The following CCNH variants were observed in gnomAD, a reference collection of about 807,000 sequenced individuals.
The protein encoded by CCNH is cyclin H, also known as cyclin-H.
Under a neutral mutation model 41.9 loss-of-function variants are expected in CCNH, and 31 were observed. The observed-to-expected ratio is 0.74, with a 90% CI of 0.56 to 1.00. CCNH has a LOEUF of 1.00. Ranked by LOEUF, CCNH falls within the 50% of genes least tolerant of loss-of-function variation. The pLI is 0.00. For missense variants in CCNH, 362 were observed against 388.4 expected, an observed-to-expected ratio of 0.93 and a Z score of 0.57; for synonymous variants, 138 against 136.1, an observed-to-expected ratio of 1.01 and a Z score of -0.10.
chr5:87,390,030 T>C (rs912277781), downstream of CCNH, among the ~76,000 whole-genome samples: 2 of 152,186 alleles, frequency 1.3e-5, no homozygotes, highest in African/African-American at 4.8e-5. Context: ...GGTATTCCGA[T>C]GCAAGTGAAC....
chr5:87,362,189 A>G (rs1760156761), intron 9 of CCNH, among the ~76,000 whole-genome samples: 1 of 152,244 alleles, frequency 6.6e-6, no homozygotes, highest in South Asian at 2.1e-4. Context: ...TTATGCTTAC[A>G]TTGGTTCCTA....
downstream of CCNH, among the ~76,000 whole-genome samples, chr5:87,316,943 C>T (rs891572875): frequency 1.3e-5 from 2 of 151,250 alleles, no homozygotes; most frequent in African/African-American, 4.9e-5. Context: ...AGTGCAGTGG[C>T]GAAATCTCGG....
At chr5:87,386,567 A>ACTC (rs774119439), downstream of CCNH, among the ~76,000 whole-genome samples, 1 of 151,570 alleles carries the variant, frequency 6.6e-6, no homozygotes. Context: ...AAATACCCAT[A>ACTC]CTCCTCAGTA....
chr5:87,397,765 G>C (rs1360334489), intron 7 of CCNH, among the ~76,000 whole-genome samples: 1 of 152,194 alleles, frequency 6.6e-6, no homozygotes, highest in South Asian at 2.1e-4. Context: ...GAAAGGGTAG[G>C]ATTAGTAGTT....
Position 87,338,526 on chromosome 5 carries a change from TA to T in CCNH, c.*91-19630del, listed in dbSNP as rs1195749051. Among the ~76,000 whole-genome samples the T allele has an allele frequency of 8.4e-4, 85 of 100,892 alleles. 2 individuals are homozygous for T. Among genetic ancestry groups the T allele is most frequent in the African/African-American group, 2.8e-3 (76 of 27,498 alleles). 66.2% of individuals were successfully genotyped at this position (100,892 alleles called of 152,430 possible). A position where few individuals can be genotyped will look rare whatever the true frequency, so the allele number is the denominator to read the frequency against. On this transcript the variant is annotated intron_variant and NMD_transcript_variant, in intron 9 of 9. Transcript: ENST00000645953. ...TTATATATATATATATATATATATA[TA>T]TATATAAAATTTTTTTTTTTTTTAA...
chr5:87,356,950 C>T (rs77370944), intron 9 of CCNH, among the ~76,000 whole-genome samples: 1 of 152,128 alleles, frequency 6.6e-6, no homozygotes, highest in African/African-American at 2.4e-5. Flanking sequence ...TGTTTTTTCC[C>T]AGTGCTTAGA....
In CCNH at chr5:87,331,439, C is replaced by G. The variant is rs757065933; in HGVS notation, c.*91-12542G>C. 1 of 1,613,814 alleles carries G rather than the reference C, an allele frequency of 6.2e-7. No individual in the cohort carries two copies. Among genetic ancestry groups the G allele is most frequent in the Non-Finnish European group, 8.5e-7 (1 of 1,179,812 alleles). ...CAGTTATCTTATAAGAGAGAGTGAT[C>G]GGAGGCCAGGGTCCTTTGTACTTTC... On this transcript the variant is annotated intron_variant and NMD_transcript_variant, in intron 9 of 9. Coordinates refer to the CCNH transcript ENST00000645953.
chr5:87,337,934 A>C, intron 9 of CCNH: 1 of 1,544,350 alleles, frequency 6.5e-7, no homozygotes, highest in Non-Finnish European at 8.8e-7. Context: ...TCTGTATTTA[A>C]AATTTTTAAA....
downstream of CCNH, among the ~76,000 whole-genome samples, chr5:87,317,337 C>T (rs893048698): frequency 7.2e-5 from 11 of 152,150 alleles, no homozygotes; most frequent in Non-Finnish European, 1.3e-4. Context: ...TCTTCTTCCT[C>T]ATTAGATGGC....
At chr5:87,356,689 TA>T (rs1164451362) in intron 9 of CCNH, among the ~76,000 whole-genome samples, 2 of 152,178 alleles carry the variant, frequency 1.3e-5, no homozygotes, top group African/African-American at 2.4e-5. Flanking sequence ...TTTTTAGTAA[TA>T]AAATATTTTT....
At chr5:87,332,472 A>AT (rs768103774) in intron 9 of CCNH, 8 of 1,574,876 alleles carry the variant, frequency 5.1e-6, no homozygotes, top group South Asian at 1.1e-5. Flanking sequence ...GGCTGTAAAG[A>AT]TTTTTTTATA....
chr5:87,312,297 A>C, the CCNH span, among the ~76,000 whole-genome samples: 16 of 152,352 alleles, frequency 1.1e-4, no homozygotes, highest in East Asian at 2.7e-3. Context: ...CAGATAAGGA[A>C]ATCTGTCTTC....
chr5:87,343,623 A>G (rs1044716657), intron 9 of CCNH, among the ~76,000 whole-genome samples: 1 of 152,180 alleles, frequency 6.6e-6, no homozygotes, highest in African/African-American at 2.4e-5. Context: ...TGTTGGTGGG[A>G]ATGTAAATGA....
chr5:87,389,575 C>A, downstream of CCNH: 1 of 1,601,532 alleles, frequency 6.2e-7, no homozygotes, highest in Non-Finnish European at 8.6e-7. Context: ...AAAGATAACA[C>A]TTAGAGAGTT....
At chr5:87,354,269 G>GT (rs894364417) in intron 9 of CCNH, among the ~76,000 whole-genome samples, 43 of 152,012 alleles carry the variant, frequency 2.8e-4, no homozygotes, top group Admixed American at 1.8e-3. Flanking sequence ...TTCAAAGATA[G>GT]TTTTTTTTAC....
intron 9 of CCNH, among the ~76,000 whole-genome samples, chr5:87,361,330 T>C (rs1760076737): frequency 6.6e-6 from 1 of 152,220 alleles, no homozygotes; most frequent in Admixed American, 6.6e-5. Context: ...TTTAGTAATT[T>C]TGTAGCATTA....
intron 9 of CCNH, among the ~76,000 whole-genome samples, chr5:87,349,737 A>G (rs1759121746): frequency 6.6e-6 from 1 of 151,962 alleles, no homozygotes; most frequent in Non-Finnish European, 1.5e-5. Context: ...AAGTTTCTAA[A>G]GATACCTGAG....
chr5:87,387,092 C>CA (rs1762114326), downstream of CCNH, among the ~76,000 whole-genome samples: 1 of 152,138 alleles, frequency 6.6e-6, no homozygotes, highest in Admixed American at 6.5e-5. Flanking sequence ...TTTATTCTTA[C>CA]ACTAAATAGT....
intron 9 of CCNH, among the ~76,000 whole-genome samples, chr5:87,329,281 C>CAA (rs571157213): frequency 0.036 from 4,343 of 119,114 alleles, 136 homozygotes; most frequent in African/African-American, 0.083. Context: ...TCTGTCTCTC[C>CAA]AAAAAAAAAA....
Sources: gnomAD v4.1 joint callset for allele counts (sites outside exome capture counted in the v4.1 genomes callset) on GRCh38, gnomAD v4.1.1 for gene constraint, MANE v1.5 for transcripts, NCBI Gene and HGNC (gene_info 2026-07-23, HGNC 2026-07-21) for gene names.